Variants in NRG3 observed in about 807,000 individuals in gnomAD.
The protein encoded by NRG3 is neuregulin 3.
NRG3 carries 31 observed loss-of-function variants against 66.9 expected under a neutral mutation model. The observed-to-expected ratio is 0.46, with a 90% CI of 0.35 to 0.63. The LOEUF is 0.63. Ranked by LOEUF, NRG3 falls within the 20% of genes least tolerant of loss-of-function variation. The pLI is 0.00. For missense variants in NRG3, 910 were observed against 878.9 expected, an observed-to-expected ratio of 1.04 and a Z score of -0.45; for synonymous variants, 393 against 359.4, an observed-to-expected ratio of 1.09 and a Z score of -1.06.
At chr10:82,809,280 A>C (rs997961484) in intron 3 of NRG3, among the ~76,000 whole-genome samples, 3 of 152,218 alleles carry the variant, frequency 2.0e-5, no homozygotes, top group Non-Finnish European at 4.4e-5. Flanking sequence ...TATTAAACAA[A>C]GTAGAAGATA....
At chr10:82,958,097 A>T (rs2132431719) in intron 5 of NRG3, among the ~76,000 whole-genome samples, 1 of 152,316 alleles carries the variant, frequency 6.6e-6, no homozygotes, top group Non-Finnish European at 1.5e-5. Context: ...TGAAGTCCAG[A>T]ACCCTACAGC....
At position 82,861,799 on chromosome 10, in the gene NRG3, T is replaced by C. The variant is rs140600294; in HGVS notation, c.1028-3612T>C. Among the ~76,000 whole-genome samples, 4 of 152,328 alleles carry C rather than the reference T, an allele frequency of 2.6e-5. No homozygotes were observed. In the East Asian group the frequency reaches 7.7e-4, roughly 29 times the overall value. Reference sequence around the variant, plus strand: ...ATGTCATGGAACACCTGTGGTCCACTGTTTGAGATCCTCTGCTCCCTGATT... The same window carrying C: ...ATGTCATGGAACACCTGTGGTCCACCGTTTGAGATCCTCTGCTCCCTGATT... On this transcript the variant is annotated intron_variant, in intron 3 of 8. Coordinates refer to ENST00000372141, the MANE Select transcript of NRG3 (RefSeq NM_001010848.4).
chr10:81,906,386 T>A (rs1844607851), intron 1 of NRG3, among the ~76,000 whole-genome samples: 1 of 152,218 alleles, frequency 6.6e-6, no homozygotes, highest in Non-Finnish European at 1.5e-5. Flanking sequence ...TTCATTCAAT[T>A]GCTATTGTTG....
At chr10:82,529,877 G>T (rs2132632489) in intron 2 of NRG3, among the ~76,000 whole-genome samples, 1 of 152,134 alleles carries the variant, frequency 6.6e-6, no homozygotes, top group African/African-American at 2.4e-5. Context: ...TGCAAGTATT[G>T]TTATCCATAT....
At chr10:82,834,007 C>G (rs915946778) in intron 3 of NRG3, among the ~76,000 whole-genome samples, 3 of 152,132 alleles carry the variant, frequency 2.0e-5, no homozygotes, top group African/African-American at 7.2e-5. Context: ...ATACTGCACT[C>G]TTTTTTATTT....
intron 1 of NRG3, among the ~76,000 whole-genome samples, chr10:82,118,406 A>C (rs1483067571): frequency 6.6e-6 from 1 of 152,066 alleles, no homozygotes; most frequent in Admixed American, 6.6e-5. Context: ...TAGGAATCAG[A>C]GTCAAGAAAA....
chr10:82,387,173 A>G (rs1186407771), intron 2 of NRG3, among the ~76,000 whole-genome samples: 1 of 151,834 alleles, frequency 6.6e-6, no homozygotes, highest in Non-Finnish European at 1.5e-5. Flanking sequence ...GCTTTATTTT[A>G]TTTTTTTCTT....
Position 82,226,234 on chromosome 10 carries a change from G to GT in NRG3, c.824-132501dup, listed in dbSNP as rs569110032. 8.5e-5 allele frequency among the ~76,000 whole-genome samples: 13 copies of GT among 152,248 alleles called. No homozygotes were observed. In the East Asian group the frequency reaches 1.2e-3, roughly 14 times the overall value. On this transcript the variant is annotated intron_variant, in intron 1 of 8. Coordinates refer to ENST00000372141, the MANE Select transcript of NRG3 (RefSeq NM_001010848.4). ...TGTCTGTGGCTCCTCTTTGAGACCA[G>GT]TTTTCCTCACCAGGGATGACTTATT... is the stretch of plus-strand genomic sequence containing the variant.
chr10:81,899,874 C>T (rs932180973), intron 1 of NRG3, among the ~76,000 whole-genome samples: 1 of 152,096 alleles, frequency 6.6e-6, no homozygotes, highest in Non-Finnish European at 1.5e-5. Flanking sequence ...TGGAAGTTGA[C>T]ATCTGGTTCC....
chr10:81,914,769 C>CAAAAAAAAAAAAAAAAAAAAA (rs58460918), intron 1 of NRG3, among the ~76,000 whole-genome samples: 5 of 67,178 alleles, frequency 7.4e-5, no homozygotes, highest in Non-Finnish European at 9.5e-5. Flanking sequence ...AAACAGAAAG[C>CAAAAAAAAAAAAAAAAAAAAA]AAAAAAAAAA....
At chr10:81,906,223 C>T (rs1435644453) in intron 1 of NRG3, among the ~76,000 whole-genome samples, 2 of 152,008 alleles carry the variant, frequency 1.3e-5, no homozygotes, top group Admixed American at 6.6e-5. Context: ...TCATCATCAT[C>T]ATCATCATCA....
Position 81,988,661 on chromosome 10 carries a change from T to G in NRG3, c.823+112498T>G, listed in dbSNP as rs145890352. The stretch of plus-strand genomic sequence containing the variant: ...GTTATAATGGGCCCTGAGTTAGTGT[T>G]TTGTGTATAGTATTCGTGGTAGAGT... On this transcript the variant is annotated intron_variant, in intron 1 of 8. Transcript: ENST00000372141. Among the ~76,000 whole-genome samples, 459 of 152,142 alleles carry G rather than the reference T, an allele frequency of 3.0e-3. 4 individuals carry two copies. Among genetic ancestry groups the G allele is most frequent in the Middle Eastern group, 0.017 (5 of 294 alleles).
chr10:82,515,661 CCTT>C (rs1463070633), intron 2 of NRG3, among the ~76,000 whole-genome samples: 1 of 152,192 alleles, frequency 6.6e-6, no homozygotes, highest in Non-Finnish European at 1.5e-5. Flanking sequence ...TCTTGCTTCT[CCTT>C]CTTCCAAATT....
At chr10:81,952,887 G>A (rs1328780365) in intron 1 of NRG3, among the ~76,000 whole-genome samples, 2 of 151,984 alleles carry the variant, frequency 1.3e-5, no homozygotes, top group African/African-American at 2.4e-5. Context: ...GATGCACCAC[G>A]CTTGGCCTCA....
At chr10:81,879,217 T>G (rs1321323948) in intron 1 of NRG3, among the ~76,000 whole-genome samples, 1 of 152,210 alleles carries the variant, frequency 6.6e-6, no homozygotes, top group Admixed American at 6.5e-5. Context: ...TAAAAACGAA[T>G]GTCTTAAACA....
At chr10:81,925,047 C>A (rs1589476303) in intron 1 of NRG3, among the ~76,000 whole-genome samples, 1 of 152,204 alleles carries the variant, frequency 6.6e-6, no homozygotes, top group East Asian at 1.9e-4. Context: ...AGAAAGTCAT[C>A]ATTTGACCCC....
intron 4 of NRG3, among the ~76,000 whole-genome samples, chr10:82,942,039 C>T (rs1244407367): frequency 1.3e-5 from 2 of 151,240 alleles, no homozygotes; most frequent in Non-Finnish European, 2.9e-5. Flanking sequence ...CAACCTCACA[C>T]TACTTGAAGA....
At chr10:82,152,451 C>T (rs527529298) in intron 1 of NRG3, among the ~76,000 whole-genome samples, 97 of 152,266 alleles carry the variant, frequency 6.4e-4, no homozygotes, top group African/African-American at 2.3e-3. Context: ...AGTCACCCAG[C>T]AAATTGATGA....
chr10:82,895,527 G>A (rs1843572909), intron 4 of NRG3, among the ~76,000 whole-genome samples: 1 of 128,658 alleles, frequency 7.8e-6, no homozygotes, highest in Non-Finnish European at 1.6e-5. Flanking sequence ...GTCTCGCTCT[G>A]TCACCCAGGC....
Sources: allele counts gnomAD v4.1 joint callset (sites outside exome capture counted in the v4.1 genomes callset), GRCh38; gene constraint gnomAD v4.1.1; transcripts MANE v1.5; gene names NCBI Gene and HGNC (gene_info 2026-07-23, HGNC 2026-07-21).